The following FRMD4B variants were observed in gnomAD, a reference collection of about 807,000 sequenced individuals.
FRMD4B encodes the protein FERM domain containing 4B, also known as FERM domain-containing protein 4B.
Under a neutral mutation model 141.5 loss-of-function variants are expected in FRMD4B, and 74 were observed. The ratio of observed to expected loss-of-function variants is 0.52; its 90% confidence interval spans 0.43 to 0.63. The LOEUF (loss-of-function observed/expected upper bound fraction) is 0.63, where lower values mean the gene tolerates loss of function less well. FRMD4B is among the 30% of genes least tolerant of loss of function. The probability of loss-of-function intolerance (pLI) is 0.00; values close to 1 mark genes in which losing one functional copy is unlikely to be tolerated. For missense variants in FRMD4B, 1,366 were observed against 1,253.4 expected (o/e 1.09, Z -1.36); for synonymous variants, 506 against 467.9 (o/e 1.08, Z -1.05).
rs10603984 is a variant in FRMD4B, at chr3:69,267,636, T to G, written c.502-17537A>C. Among the ~76,000 whole-genome samples, 49 of 32,966 alleles carry G rather than the reference T, an allele frequency of 1.5e-3. 1 individual carries two copies. The highest frequency in any genetic ancestry group is 5.5e-3 in the African/African-American group (43 of 7,776). The allele number at this position is 32,966 out of a possible 152,430, so 21.6% of individuals were successfully genotyped here. ...ATATATATATATATATATATATATA[T>G]AGAGAGAGAGAGAGAGAGAGAGAGA... On this transcript the variant is annotated intron_variant, in intron 5 of 22. Coordinates refer to ENST00000398540, the MANE Select transcript of FRMD4B (RefSeq NM_015123.3).
rs146030701 is a variant in FRMD4B at position 69,195,987 on chromosome 3, T to G, written c.1234+268A>C. Among the ~76,000 whole-genome samples, 1,088 of 152,284 alleles carry G rather than the reference T, an allele frequency of 7.1e-3. 17 individuals carry two copies. The highest frequency in any genetic ancestry group is 0.025 in the African/African-American group (1,053 of 41,542). The stretch of plus-strand genomic sequence containing the variant: ...ACTGAATGCTGGAAAAAGCAGCTGC[T>G]GTGGAAAATGTTCTTTCAAGCCACA... On this transcript the variant is annotated intron_variant, in intron 14 of 22. Coordinates refer to ENST00000398540, the MANE Select transcript of FRMD4B (RefSeq NM_015123.3).
intron 1 of FRMD4B, among the ~76,000 whole-genome samples, chr3:69,324,909 A>C (rs1251276086): frequency 2.0e-5 from 3 of 151,766 alleles, no homozygotes; most frequent in Admixed American, 1.3e-4. Context: ...AGCCTGAGCA[A>C]CAGGGTAAGA....
intron 7 of FRMD4B, among the ~76,000 whole-genome samples, chr3:69,232,775 C>T (rs2093318574): frequency 6.6e-6 from 1 of 151,984 alleles, no homozygotes; most frequent in African/African-American, 2.4e-5. Context: ...AGTTAGCACA[C>T]TGGGCATGCT....
At chr3:69,540,660 T>TATATACACACAC (rs1241897477) in intron 1 of FRMD4B, among the ~76,000 whole-genome samples, 7 of 56,872 alleles carry the variant, frequency 1.2e-4, no homozygotes, top group African/African-American at 7.2e-4. Flanking sequence ...TATATATATA[T>TATATACACACAC]ACACACACAC....
chr3:69,407,720 T>C (rs957379550), intron 2 of FRMD4B, among the ~76,000 whole-genome samples: 6 of 152,216 alleles, frequency 3.9e-5, no homozygotes, highest in Non-Finnish European at 8.8e-5. Context: ...TCGAGAAGGA[T>C]TCTAAGGCCC....
rs376449902 is a variant in FRMD4B at position 69,198,644 on chromosome 3, C to A, written c.953+54G>T. Reference sequence around the variant, plus strand: ...AAAACTTGTACACAAATGTTGATAGCAGCGTTATTTGTATAGTAACTGTGT... The same window carrying A: ...AAAACTTGTACACAAATGTTGATAGAAGCGTTATTTGTATAGTAACTGTGT... On this transcript the variant is annotated intron_variant, in intron 12 of 22. Coordinates refer to ENST00000398540, the MANE Select transcript of FRMD4B (RefSeq NM_015123.3). The A allele has an allele frequency of 6.1e-6, 5 of 814,668 alleles. No individual in the cohort carries two copies. In the African/African-American group the frequency reaches 8.5e-5, roughly 14 times the overall value. 50.5% of individuals were successfully genotyped at this position (814,668 alleles called of 1,614,324 possible).
chr3:69,276,635 C>T (rs2093619130), intron 5 of FRMD4B, among the ~76,000 whole-genome samples: 1 of 152,132 alleles, frequency 6.6e-6, no homozygotes, highest in African/African-American at 2.4e-5. Context: ...TTTGATACCT[C>T]CAGGTTCACG....
intron 1 of FRMD4B, among the ~76,000 whole-genome samples, chr3:69,368,339 A>C (rs1316741007): frequency 6.6e-6 from 1 of 152,220 alleles, no homozygotes; most frequent in Non-Finnish European, 1.5e-5. Flanking sequence ...TGCAAATCAC[A>C]CAAAGGAAAC....
chr3:69,393,349 C>G (rs866042215), intron 2 of FRMD4B, among the ~76,000 whole-genome samples: 1 of 131,876 alleles, frequency 7.6e-6, no homozygotes, highest in African/African-American at 2.6e-5. Flanking sequence ...AAAAAAAGAG[C>G]GTCATGGTGT....
chr3:69,215,282 C>CTTTTTT (rs1559724064), intron 11 of FRMD4B, among the ~76,000 whole-genome samples: 2 of 37,470 alleles, frequency 5.3e-5, no homozygotes, highest in African/African-American at 1.3e-4. Flanking sequence ...GATTGTGACC[C>CTTTTTT]TCTTTTTTTT....
At chr3:69,197,159 T>C in intron 12 of FRMD4B, 121 bp from the exon 13 acceptor site, 1 of 692,572 alleles carries the variant, frequency 1.4e-6, no homozygotes, top group Non-Finnish European at 2.3e-6. Context: ...TTGCAAAAAC[T>C]CTTACGCAAA....
At chr3:69,363,009 A>T (rs1384372543) in intron 1 of FRMD4B, among the ~76,000 whole-genome samples, 1 of 151,278 alleles carries the variant, frequency 6.6e-6, no homozygotes, top group Non-Finnish European at 1.5e-5. Context: ...AAAAAAAACA[A>T]ACAAAAAGTG....
intron 1 of FRMD4B, among the ~76,000 whole-genome samples, chr3:69,325,778 G>C (rs1280935779): frequency 6.6e-6 from 1 of 152,130 alleles, no homozygotes; most frequent in Non-Finnish European, 1.5e-5. Context: ...TTGAGTATAG[G>C]TTAGGTGTTA....
In FRMD4B at chr3:69,482,182, A is replaced by G. The variant is rs75484027; in HGVS notation, c.-128-49421T>C. On this transcript the variant is annotated intron_variant, in intron 1 of 5. Coordinates refer to the FRMD4B transcript ENST00000459638. The stretch of plus-strand genomic sequence containing the variant: ...TGCAGACCTGTAGTTCAATGCCCCA[A>G]TCTAATTCCTTAGACTCTAGCTTTC... Among the ~76,000 whole-genome samples, 1,047 of 152,270 alleles carry G rather than the reference A, an allele frequency of 6.9e-3. 13 individuals are homozygous for G. Among genetic ancestry groups the G allele is most frequent in the African/African-American group, 0.023 (950 of 41,546 alleles).
intron 7 of FRMD4B, among the ~76,000 whole-genome samples, chr3:69,240,338 G>C (rs562002440): frequency 2.7e-5 from 4 of 150,358 alleles, no homozygotes; most frequent in African/African-American, 9.8e-5. Context: ...AAAATTAGTC[G>C]GGCGTGGTGG....
At chr3:69,301,252 G>C (rs1458886574) in intron 4 of FRMD4B, among the ~76,000 whole-genome samples, 1 of 152,178 alleles carries the variant, frequency 6.6e-6, no homozygotes, top group African/African-American at 2.4e-5. Flanking sequence ...AGTACATAAG[G>C]AGGGCTTTCA....
At chr3:69,472,301 C>CT (rs1006240382) in intron 1 of FRMD4B, 732 of 414,402 alleles carry the variant, frequency 1.8e-3, no homozygotes, top group South Asian at 3.1e-3. Context: ...TTCTCTGCAA[C>CT]TTTTTTTTTC....
At chr3:69,340,231 G>A (rs1467871686) in intron 1 of FRMD4B, among the ~76,000 whole-genome samples, 1 of 151,968 alleles carries the variant, frequency 6.6e-6, no homozygotes, top group Admixed American at 6.6e-5. Flanking sequence ...CTCATGTCAT[G>A]GGGGTTTGGT....
At chr3:69,287,696 C>A in intron 5 of FRMD4B, 56 bp downstream of exon 5, 1 of 858,348 alleles carries the variant, frequency 1.2e-6, no homozygotes. Flanking sequence ...CCATTTCTTC[C>A]TGTCATCCCA....
Sources: gnomAD v4.1 joint callset for allele counts (sites outside exome capture counted in the v4.1 genomes callset) on GRCh38, gnomAD v4.1.1 for gene constraint, MANE v1.5 for transcripts, NCBI Gene and HGNC (gene_info 2026-07-23, HGNC 2026-07-21) for gene names.